The following TRAPPC12 variants were observed in gnomAD, a reference collection of about 807,000 sequenced individuals.
TRAPPC12 encodes the protein TPR repeat protein 15.
A neutral mutation model predicts 69.2 loss-of-function variants in TRAPPC12; 61 were observed. The ratio of observed to expected loss-of-function variants is 0.88; its 90% CI spans 0.72 to 1.09. The LOEUF (loss-of-function observed/expected upper bound fraction) is 1.09, where lower values mean the gene tolerates loss of function less well. TRAPPC12 is among the 50% of genes least tolerant of loss of function. The probability of loss-of-function intolerance (pLI) is 0.00; values close to 1 mark genes in which losing one functional copy is unlikely to be tolerated. For synonymous variants in TRAPPC12, 469 were observed against 438.9 expected, an observed-to-expected ratio of 1.07 and a Z score of -0.86; for missense variants, 1,101 against 1,016.4, an observed-to-expected ratio of 1.08 and a Z score of -1.13.
intron 9 of TRAPPC12, among the ~76,000 whole-genome samples, chr2:3,475,365 G>C (rs1443707883): frequency 6.6e-6 from 1 of 151,864 alleles, no homozygotes; most frequent in South Asian, 2.1e-4. Flanking sequence ...CTCCCACCTC[G>C]GCCTCCCAAA....
At chr2:3,441,465 T>C (rs1157727647) in intron 5 of TRAPPC12, among the ~76,000 whole-genome samples, 2 of 152,116 alleles carry the variant, frequency 1.3e-5, no homozygotes, top group East Asian at 3.8e-4. Context: ...TAGTTGTTTA[T>C]GTCTTCTCTG....
intron 2 of TRAPPC12, 149 bp downstream of exon 2, chr2:3,388,819 C>T (rs1660660489): frequency 1.3e-6 from 1 of 784,988 alleles, no homozygotes; most frequent in Non-Finnish European, 1.9e-6. Context: ...TCCTCTGTCC[C>T]TGGGTAATTA....
intron 2 of TRAPPC12, among the ~76,000 whole-genome samples, chr2:3,391,705 G>T (rs1212862305): frequency 2.0e-5 from 3 of 152,028 alleles, no homozygotes; most frequent in African/African-American, 7.2e-5. Context: ...TGATGTCAGG[G>T]GTATTTGGAT....
intron 5 of TRAPPC12, among the ~76,000 whole-genome samples, chr2:3,426,216 G>A (rs1236817997): frequency 6.6e-6 from 1 of 152,206 alleles, no homozygotes; most frequent in African/African-American, 2.4e-5. Context: ...AGAAAAAATG[G>A]GAAGGGTAAC....
intron 9 of TRAPPC12, among the ~76,000 whole-genome samples, chr2:3,470,476 T>G (rs1321481811): frequency 6.6e-6 from 1 of 152,204 alleles, no homozygotes; most frequent in African/African-American, 2.4e-5. Flanking sequence ...TCTCAGCTGA[T>G]AGTGGGCACT....
Position 3,424,512 on chromosome 2 carries a change from A to G in TRAPPC12, c.1279-13A>G. Reference sequence around the variant, plus strand: ...GTAGATAACCTATTGTTTCCATTGTATTTTGTTTTTAGCTCTGGTTTGTCA... The same window carrying G: ...GTAGATAACCTATTGTTTCCATTGTGTTTTGTTTTTAGCTCTGGTTTGTCA... On this transcript the variant is annotated splice_polypyrimidine_tract_variant and intron_variant, in intron 4 of 11. Transcript: ENST00000324266. 3 of 1,611,680 alleles carry G rather than the reference A, an allele frequency of 1.9e-6. No individual in the cohort carries two copies. Among genetic ancestry groups the G allele is most frequent in the Non-Finnish European group, 1.7e-6 (2 of 1,179,316 alleles).
At chr2:3,401,987 T>C in intron 3 of TRAPPC12, 94 bp downstream of exon 3, 4 of 874,922 alleles carry the variant, frequency 4.6e-6, no homozygotes, top group Non-Finnish European at 6.9e-6. Context: ...TTTTGAATAT[T>C]ATTCAAAGCT....
chr2:3,457,771 C>T (rs1334056250), intron 7 of TRAPPC12, 78 bp downstream of exon 7: 6 of 1,566,160 alleles, frequency 3.8e-6, no homozygotes, highest in Non-Finnish European at 5.2e-6. Context: ...CTCGCTTCCT[C>T]TCCTTCTCCT....
intron 5 of TRAPPC12, among the ~76,000 whole-genome samples, chr2:3,432,145 C>T (rs1023316440): frequency 2.6e-5 from 4 of 152,234 alleles, no homozygotes; most frequent in African/African-American, 9.6e-5. Context: ...CTTCACTATG[C>T]AGTTTAAGAA....
intron 3 of TRAPPC12, among the ~76,000 whole-genome samples, chr2:3,409,515 G>T (rs1017794170): frequency 2.0e-5 from 3 of 152,072 alleles, no homozygotes; most frequent in African/African-American, 4.8e-5. Context: ...TTGGGAGGCT[G>T]AGGTAGGAGA....
intron 1 of TRAPPC12, among the ~76,000 whole-genome samples, chr2:3,381,947 C>G (rs568416441): frequency 3.4e-4 from 51 of 152,226 alleles, no homozygotes; most frequent in Non-Finnish European, 4.7e-4. Context: ...TATACAGAGT[C>G]ATGCTGTTTA....
intron 3 of TRAPPC12, among the ~76,000 whole-genome samples, chr2:3,420,206 A>G (rs1295786013): frequency 6.6e-6 from 1 of 151,878 alleles, no homozygotes; most frequent in Non-Finnish European, 1.5e-5. Flanking sequence ...ACAACTATCA[A>G]CCCCTCAGAA....
rs368230760 is a variant in TRAPPC12, at chr2:3,388,521, A to G, written c.898A>G (p.Met300Val). The G allele has an allele frequency of 1.7e-5, 28 of 1,612,920 alleles. No individual in the cohort carries two copies. In the East Asian group the frequency reaches 4.2e-4, roughly 24 times the overall value. Residue 300 changes from methionine to valine, a missense_variant, in exon 2 of 12, where the codon ATG becomes GTG. Coordinates refer to ENST00000324266, the MANE Select transcript of TRAPPC12 (RefSeq NM_016030.6). Reference sequence around the variant, plus strand: ...CGACCCCTTTGCCACCGCCCTGAGCATGAGCGAGATGGACCGGAGGAACGA... The same window carrying G: ...CGACCCCTTTGCCACCGCCCTGAGCGTGAGCGAGATGGACCGGAGGAACGA... ...SDDPFATALS[M>V]SEMDRRNDAW...
chr2:3,468,783 CGG>C (rs386642500), intron 9 of TRAPPC12, among the ~76,000 whole-genome samples: 18,303 of 152,208 alleles, frequency 0.12, 1,235 homozygotes, highest in South Asian at 0.19. Flanking sequence ...CGCACGTATC[CGG>C]ACACTCACAC....
intron 8 of TRAPPC12, among the ~76,000 whole-genome samples, chr2:3,464,193 G>A (rs576379531): frequency 1.7e-4 from 26 of 150,586 alleles, no homozygotes; most frequent in Middle Eastern, 6.8e-3. Flanking sequence ...GCTCACACAC[G>A]CTTACACACA....
At chr2:3,462,860 C>G in intron 8 of TRAPPC12, 1 of 466,970 alleles carries the variant, frequency 2.1e-6, no homozygotes, top group Non-Finnish European at 4.5e-6. Flanking sequence ...CCCCACAGCT[C>G]GCCAGTATGC....
intron 9 of TRAPPC12, chr2:3,467,841 G>T (rs1457861415): frequency 2.0e-5 from 3 of 152,292 alleles, no homozygotes; most frequent in African/African-American, 4.8e-5. Context: ...ATCTCCGCTG[G>T]GTTCAGCAGA....
At chr2:3,465,551 A>C (rs1206514347) in intron 8 of TRAPPC12, 46 bp from the exon 9 acceptor site, 1 of 1,326,288 alleles carries the variant, frequency 7.5e-7, no homozygotes, top group South Asian at 1.2e-5. Flanking sequence ...TGAAACCCAC[A>C]GTGCTGTTCT....
chr2:3,404,699 C>G (rs1661629249), intron 3 of TRAPPC12, among the ~76,000 whole-genome samples: 1 of 151,928 alleles, frequency 6.6e-6, no homozygotes, highest in African/African-American at 2.4e-5. Flanking sequence ...ATCTGAGGAC[C>G]CAGCACGGTC....
Sources: gnomAD v4.1 joint callset for allele counts (sites outside exome capture counted in the v4.1 genomes callset) on GRCh38, gnomAD v4.1.1 for gene constraint, MANE v1.5 for transcripts, NCBI Gene and HGNC (gene_info 2026-07-23, HGNC 2026-07-21) for gene names.